CELF4: variants seen among roughly 807,000 people sequenced by gnomAD.
CELF4 encodes CUGBP Elav-like family member 4.
CELF4 carries 18 observed loss-of-function variants against 59.9 expected under a neutral mutation model. The observed-to-expected ratio is 0.30, with a 90% CI of 0.21 to 0.45. CELF4 has a LOEUF of 0.45. Ranked by LOEUF, CELF4 falls within the 20% of genes least tolerant of loss-of-function variation. CELF4 has a pLI of 1.00. For synonymous variants in CELF4, 261 were observed against 267.1 expected, an observed-to-expected ratio of 0.98 and a Z score of 0.22; for missense variants, 456 against 689.0, an observed-to-expected ratio of 0.66 and a Z score of 3.79.
Position 37,339,703 on chromosome 18 carries a change from G to A in CELF4, c.370-17822C>T, listed in dbSNP as rs575678533. Reference sequence around the variant, plus strand: ...TGGGAGGTGGAGTTTGCAGTGAGCCGAGATCGCACTACTGTACTCCAGCCT... The same window carrying A: ...TGGGAGGTGGAGTTTGCAGTGAGCCAAGATCGCACTACTGTACTCCAGCCT... On this transcript the variant is annotated intron_variant, in intron 2 of 12. Coordinates refer to ENST00000420428, the MANE Select transcript of CELF4 (RefSeq NM_020180.4). Among the ~76,000 whole-genome samples, 8 of 150,634 alleles carry A rather than the reference G, an allele frequency of 5.3e-5. No individual in the cohort carries two copies. The East Asian group carries it at 1.6e-3, about 29-fold the overall frequency.
intron 3 of CELF4, among the ~76,000 whole-genome samples, chr18:37,320,048 C>T (rs1227799517): frequency 6.6e-6 from 1 of 152,188 alleles, no homozygotes; most frequent in African/African-American, 2.4e-5. Flanking sequence ...ACAAAAGGCC[C>T]CAACTCCAGC....
At chr18:37,384,053 T>C (rs971375147) in intron 2 of CELF4, among the ~76,000 whole-genome samples, 1 of 152,128 alleles carries the variant, frequency 6.6e-6, no homozygotes, top group Non-Finnish European at 1.5e-5. Context: ...TTGTCCTGCC[T>C]CCTGCATGGC....
chr18:37,510,305 C>A (rs1358997541), intron 1 of CELF4, among the ~76,000 whole-genome samples: 1 of 152,228 alleles, frequency 6.6e-6, no homozygotes, highest in African/African-American at 2.4e-5. Flanking sequence ...CTTCTCCTTG[C>A]TCAACCTGGC....
intron 3 of CELF4, among the ~76,000 whole-genome samples, chr18:37,312,945 C>G (rs2096729508): frequency 6.6e-6 from 1 of 152,176 alleles, no homozygotes; most frequent in African/African-American, 2.4e-5. Flanking sequence ...ATGTAGCCCC[C>G]AAAACACATA....
intron 2 of CELF4, among the ~76,000 whole-genome samples, chr18:37,352,946 G>A (rs977508205): frequency 7.2e-5 from 11 of 152,098 alleles, no homozygotes; most frequent in Non-Finnish European, 1.5e-4. Flanking sequence ...TCTTGGCCGG[G>A]CGCGGTAGCT....
intron 1 of CELF4, among the ~76,000 whole-genome samples, chr18:37,514,044 C>G (rs2099947763): frequency 6.6e-6 from 1 of 151,894 alleles, no homozygotes; most frequent in African/African-American, 2.4e-5. Context: ...CCAAGTCCAG[C>G]AAACGCAGAT....
At chr18:37,267,790 C>T (rs1158881515) in intron 8 of CELF4, among the ~76,000 whole-genome samples, 2 of 152,078 alleles carry the variant, frequency 1.3e-5, no homozygotes, top group Non-Finnish European at 2.9e-5. Context: ...AATCCCAACA[C>T]TTTGGGAGGC....
At chr18:37,448,236 A>G (rs1039493414) in intron 2 of CELF4, among the ~76,000 whole-genome samples, 3 of 152,226 alleles carry the variant, frequency 2.0e-5, no homozygotes, top group African/African-American at 4.8e-5. Context: ...AGGCTTGTGC[A>G]TGATGACTGG....
At chr18:37,537,987 T>A (rs1229715344) in intron 1 of CELF4, among the ~76,000 whole-genome samples, 2 of 151,994 alleles carry the variant, frequency 1.3e-5, no homozygotes, top group Non-Finnish European at 2.9e-5. Flanking sequence ...CCCCGGAGAG[T>A]CCCAGGCGCT....
chr18:37,348,124 A>ACCTCTGCATTTTGCTCTTCTCTCTTGCG (rs2098331587), intron 2 of CELF4, among the ~76,000 whole-genome samples: 1 of 151,778 alleles, frequency 6.6e-6, no homozygotes, highest in Non-Finnish European at 1.5e-5. Context: ...GCCTTTGTCT[A>ACCTCTGCATTTTGCTCTTCTCTCTTGCG]CCTCTGCATT....
chr18:37,445,895 C>T (rs867567141), intron 2 of CELF4, among the ~76,000 whole-genome samples: 1 of 152,188 alleles, frequency 6.6e-6, no homozygotes, highest in Non-Finnish European at 1.5e-5. Flanking sequence ...CCTCCTCCTC[C>T]TTATCATCTA....
intron 3 of CELF4, among the ~76,000 whole-genome samples, chr18:37,279,248 G>C (rs944298428): frequency 6.6e-5 from 10 of 152,216 alleles, no homozygotes; most frequent in African/African-American, 2.4e-4. Flanking sequence ...TGCTGGGCTG[G>C]GCCAAGGTGT....
At chr18:37,300,518 C>T (rs1334891178) in intron 3 of CELF4, among the ~76,000 whole-genome samples, 6 of 152,234 alleles carry the variant, frequency 3.9e-5, no homozygotes. Flanking sequence ...AGCCACTGCT[C>T]CTGGCCTCCA....
intron 3 of CELF4, among the ~76,000 whole-genome samples, chr18:37,317,385 T>C (rs1603453692): frequency 6.8e-6 from 1 of 148,022 alleles, no homozygotes. Context: ...AAAGTTTCAT[T>C]TCATCTCAAA....
intron 12 of CELF4, among the ~76,000 whole-genome samples, chr18:37,248,574 C>T (rs2063495184): frequency 6.6e-6 from 1 of 152,188 alleles, no homozygotes; most frequent in African/African-American, 2.4e-5. Flanking sequence ...CTTTTCCCAC[C>T]CTCTCACCCC....
chr18:37,467,989 G>A (rs144631428), intron 2 of CELF4, among the ~76,000 whole-genome samples: 3 of 152,314 alleles, frequency 2.0e-5, no homozygotes, highest in African/African-American at 7.2e-5. Context: ...GTGCGTGCAT[G>A]TGTGTGTGTT....
intron 1 of CELF4, among the ~76,000 whole-genome samples, chr18:37,510,237 C>A (rs987724948): frequency 2.0e-5 from 3 of 152,190 alleles, no homozygotes; most frequent in Admixed American, 6.5e-5. Flanking sequence ...TCCTGCCCCA[C>A]GAGTTGCAAT....
intron 2 of CELF4, among the ~76,000 whole-genome samples, chr18:37,333,801 C>T (rs1413417136): frequency 1.3e-5 from 2 of 151,870 alleles, no homozygotes; most frequent in Non-Finnish European, 2.9e-5. Context: ...TCCATCCATC[C>T]ATCCATCCAT....
At chr18:37,501,548 C>T (rs926430740) in intron 1 of CELF4, among the ~76,000 whole-genome samples, 1 of 152,214 alleles carries the variant, frequency 6.6e-6, no homozygotes, top group Non-Finnish European at 1.5e-5. Flanking sequence ...GGCATCCTGC[C>T]TGGGGATGGG....
Sources: allele counts gnomAD v4.1 joint callset (sites outside exome capture counted in the v4.1 genomes callset), GRCh38; gene constraint gnomAD v4.1.1; transcripts MANE v1.5; gene names NCBI Gene and HGNC (gene_info 2026-07-23, HGNC 2026-07-21).